The following EVC2 variants were observed in gnomAD, a reference collection of about 807,000 sequenced individuals.
EVC2 encodes limbin.
EVC2 carries 148 observed loss-of-function variants against 149.3 expected under a neutral mutation model. That is an observed-to-expected ratio of 0.99 (90% confidence interval 0.87 to 1.14). EVC2 has a LOEUF of 1.14. Among genes scored for constraint, EVC2 ranks in the 50% most tolerant of loss-of-function variants. EVC2 has a pLI of 0.00. For missense variants in EVC2, 1,854 were observed against 1,627.3 expected, an observed-to-expected ratio of 1.14 and a Z score of -2.40; for synonymous variants, 776 against 649.9, an observed-to-expected ratio of 1.19 and a Z score of -2.95.
intron 1 of EVC2, 141 bp downstream of exon 1, chr4:5,708,145 G>C: frequency 1.4e-6 from 1 of 702,966 alleles, no homozygotes; most frequent in South Asian, 2.9e-5. Flanking sequence ...ATACACCTAA[G>C]GGCCGCGAAG....
chr4:5,706,437 G>GATACATAC (rs1371530984), intron 1 of EVC2, among the ~76,000 whole-genome samples: 1,316 of 41,036 alleles, frequency 0.032, 140 homozygotes, highest in South Asian at 0.084. Context: ...TACATAGATA[G>GATACATAC]ATAGATAGAT....
upstream of EVC2, chr4:5,709,444 G>A (rs1722451150): frequency 6.6e-6 from 1 of 152,236 alleles, no homozygotes; most frequent in South Asian, 2.1e-4. Context: ...CAGCGAGCCT[G>A]GCCCCTGGCA....
chr4:5,586,224 G>A (rs1170141672), intron 16 of EVC2, among the ~76,000 whole-genome samples: 1 of 152,122 alleles, frequency 6.6e-6, no homozygotes, highest in Non-Finnish European at 1.5e-5. Context: ...CTTCTTCTGG[G>A]TTGAGGATCT....
rs141705509 is a variant in EVC2 at position 5,625,218 on chromosome 4, G to A, written c.2046+531C>T. On this transcript the variant is annotated intron_variant, in intron 13 of 21. Coordinates refer to ENST00000344408, the MANE Select transcript of EVC2 (RefSeq NM_147127.5). This position sits in a 1 kb window ranked among gnomAD's most constrained non-coding sequence, Gnocchi z 4.0. ...GCATTCCCTTCCAGGCCCTACCCTCGTCCCTCTGCACACTCCAGCCTCATC... is the reference window on the plus strand; with the variant it reads ...GCATTCCCTTCCAGGCCCTACCCTCATCCCTCTGCACACTCCAGCCTCATC... Among the ~76,000 whole-genome samples the A allele has an allele frequency of 2.8e-4, 43 of 150,960 alleles. No individual in the cohort carries two copies. The highest frequency in any genetic ancestry group is 4.6e-4 in the African/African-American group (19 of 41,082).
chr4:5,632,849 C>T (rs1716651661), intron 10 of EVC2, among the ~76,000 whole-genome samples: 1 of 152,124 alleles, frequency 6.6e-6, no homozygotes, highest in South Asian at 2.1e-4. Flanking sequence ...CTTCACTCCA[C>T]ATGGGTAGGC....
At chr4:5,671,745 C>T (rs914997661) in intron 7 of EVC2, among the ~76,000 whole-genome samples, 4 of 152,302 alleles carry the variant, frequency 2.6e-5, no homozygotes, top group East Asian at 1.9e-4. Flanking sequence ...CTCCTGACCT[C>T]GTGCTCTGCC....
chr4:5,639,743 T>C (rs79604435), intron 10 of EVC2, among the ~76,000 whole-genome samples: 1,671 of 152,360 alleles, frequency 0.011, 28 homozygotes, highest in African/African-American at 0.037. Context: ...CACAACTTTC[T>C]GTGAACCATG....
intron 9 of EVC2, among the ~76,000 whole-genome samples, chr4:5,653,048 C>T (rs73065619): frequency 0.021 from 3,219 of 152,242 alleles, 115 homozygotes; most frequent in African/African-American, 0.073. Context: ...TGCCAGCAAC[C>T]CTTGGTGTTC....
chr4:5,655,513 G>A (rs1173457395), intron 9 of EVC2, among the ~76,000 whole-genome samples: 1 of 152,112 alleles, frequency 6.6e-6, no homozygotes, highest in Non-Finnish European at 1.5e-5. Flanking sequence ...TGCTGGAAAT[G>A]CCCCACGCAC....
At chr4:5,600,507 G>A (rs1266716061) in intron 16 of EVC2, among the ~76,000 whole-genome samples, 3 of 152,140 alleles carry the variant, frequency 2.0e-5, no homozygotes, top group Admixed American at 1.3e-4. Context: ...TTTTTAAGAT[G>A]CAGCCAGTGC....
chr4:5,623,576 G>C (rs1458958261), intron 13 of EVC2, among the ~76,000 whole-genome samples: 4 of 152,120 alleles, frequency 2.6e-5, no homozygotes. Flanking sequence ...CTGACCTCAA[G>C]TGATCTACCC....
In EVC2 at chr4:5,672,676, T is replaced by C. The variant is rs114298433; in HGVS notation, c.871-7027A>G. Among the ~76,000 whole-genome samples the C allele has an allele frequency of 2.4e-3, 363 of 152,244 alleles. 1 individual carries two copies. The highest frequency in any genetic ancestry group is 8.2e-3 in the African/African-American group (340 of 41,546). ...CCGAGCAATTTCACCCCCAAGCATA[T>C]ACCCCAAATAATTTAAAACAGGTAT... On this transcript the variant is annotated intron_variant, in intron 7 of 21. Transcript: ENST00000344408.
At chr4:5,579,301 C>T (rs773546796) in intron 17 of EVC2, among the ~76,000 whole-genome samples, 5 of 152,148 alleles carry the variant, frequency 3.3e-5, no homozygotes, top group African/African-American at 4.8e-5. Context: ...TAAGCCTCAG[C>T]TCTTTCATCT....
chr4:5,533,066 A>C, the EVC2 span, among the ~76,000 whole-genome samples: 1 of 151,032 alleles, frequency 6.6e-6, no homozygotes, highest in Non-Finnish European at 1.5e-5. Context: ...ACAAAACAGA[A>C]ATCATTTCTC....
At chr4:5,603,624 G>C (rs1459067988) in intron 16 of EVC2, among the ~76,000 whole-genome samples, 2 of 152,176 alleles carry the variant, frequency 1.3e-5, no homozygotes, top group Non-Finnish European at 2.9e-5. Flanking sequence ...ATGCACCGTC[G>C]CTGGCAATCA....
At chr4:5,591,005 A>G (rs1279218934) in intron 16 of EVC2, among the ~76,000 whole-genome samples, 1 of 152,134 alleles carries the variant, frequency 6.6e-6, no homozygotes, top group Non-Finnish European at 1.5e-5. Flanking sequence ...GCATGAGGGT[A>G]ACTGCCCCCA....
At chr4:5,705,841 T>A (rs1292000997) in intron 1 of EVC2, among the ~76,000 whole-genome samples, 2 of 152,056 alleles carry the variant, frequency 1.3e-5, no homozygotes, top group Admixed American at 1.3e-4. Flanking sequence ...ACGCCAGGGA[T>A]TCCCTGGGCC....
At position 5,640,773 on chromosome 4, in the gene EVC2, T is replaced by A. The variant is rs1242116459; in HGVS notation, c.1211A>T (p.Lys404Met). ...TTTCAGCAGAAGGGCAATGATATCC[T>A]TGCTGATTTGTGTTCGACAAGCCTC... ...DLEACRTQIS[K>M]DIIALLLKNL... is the part of the protein sequence containing the mutation. Residue 404 changes from lysine to methionine, a missense_variant, in exon 10 of 22, where the codon AAG becomes ATG. Transcript: ENST00000344408. This position sits in a 1 kb window ranked among gnomAD's most constrained non-coding sequence, Gnocchi z 4.6. The A allele has an allele frequency of 6.2e-7, 1 of 1,614,116 alleles. No homozygotes were observed. Among genetic ancestry groups the A allele is most frequent in the Non-Finnish European group, 8.5e-7 (1 of 1,180,046 alleles).
chr4:5,703,934 G>C (rs1023496578), intron 1 of EVC2, among the ~76,000 whole-genome samples: 1 of 152,120 alleles, frequency 6.6e-6, no homozygotes, highest in Non-Finnish European at 1.5e-5. Flanking sequence ...GTATCAGGGG[G>C]AGGAGCATTA....
Sources: gnomAD v4.1 joint callset for allele counts (sites outside exome capture counted in the v4.1 genomes callset) on GRCh38, gnomAD v4.1.1 for gene constraint, Gnocchi (gnomAD v3.1) non-coding constraint, MANE v1.5 for transcripts, NCBI Gene and HGNC (gene_info 2026-07-23, HGNC 2026-07-21) for gene names.